Variants in CDK7 observed in about 807,000 individuals in gnomAD.
The protein encoded by CDK7 is cyclin-dependent kinase 7.
In CDK7, 25 loss-of-function variants were observed where a neutral mutation model predicts 49.1. That is an observed-to-expected ratio of 0.51 (90% confidence interval 0.37 to 0.71). CDK7 has a LOEUF of 0.71. Ranked by LOEUF, CDK7 falls within the 30% of genes least tolerant of loss-of-function variation. CDK7 has a pLI of 0.00. For missense variants in CDK7, 316 were observed against 411.7 expected, an observed-to-expected ratio of 0.77 and a Z score of 2.01; for synonymous variants, 107 against 140.0, an observed-to-expected ratio of 0.76 and a Z score of 1.67.
chr5:69,241,826 A>G (rs756137603), intron 2 of CDK7, among the ~76,000 whole-genome samples: 1 of 151,978 alleles, frequency 6.6e-6, no homozygotes, highest in Non-Finnish European at 1.5e-5. Context: ...TATCAGATGG[A>G]TAGTTTGCAA....
intron 6 of CDK7, among the ~76,000 whole-genome samples, chr5:69,258,530 G>A (rs1016857939): frequency 3.3e-5 from 5 of 151,830 alleles, no homozygotes; most frequent in African/African-American, 9.7e-5. Flanking sequence ...ACAGGTGCCC[G>A]CCACCACGCC....
chr5:69,241,230 A>T (rs1749350624), intron 2 of CDK7, among the ~76,000 whole-genome samples: 1 of 149,942 alleles, frequency 6.7e-6, no homozygotes, highest in Non-Finnish European at 1.5e-5. Flanking sequence ...CCTTTTCTCC[A>T]CATCCCTCAC....
intron 1 of CDK7, 47 bp downstream of exon 1, chr5:69,235,088 G>T (rs751533026): frequency 1.3e-6 from 2 of 1,534,788 alleles, no homozygotes; most frequent in Admixed American, 3.8e-5. Context: ...GGACAGCCCC[G>T]CGCCGCCTCC....
chr5:69,260,291 A>G lies in CDK7; in HGVS notation c.527+355A>G, dbSNP rs1750734018. On this transcript the variant is annotated intron_variant, in intron 7 of 11. Transcript: ENST00000256443. ...CTTGAACCAGAGAGGCAGAAGTTGCAGTGAGCAGAGATTGCACCACCGCAC... is the reference window on the plus strand; with the variant it reads ...CTTGAACCAGAGAGGCAGAAGTTGCGGTGAGCAGAGATTGCACCACCGCAC... Among the ~76,000 whole-genome samples, 5 of 152,128 alleles carry G rather than the reference A, an allele frequency of 3.3e-5. 1 individual carries two copies. The South Asian group carries it at 1.0e-3, about 31-fold the overall frequency.
chr5:69,272,149 G>A (rs931796030), intron 9 of CDK7, among the ~76,000 whole-genome samples: 4 of 151,952 alleles, frequency 2.6e-5, no homozygotes, highest in East Asian at 1.9e-4. Context: ...TTGAAATGAC[G>A]GTCTCTTCAT....
At chr5:69,269,315 T>C in intron 9 of CDK7, 22 bp downstream of exon 9, 1 of 1,546,812 alleles carries the variant, frequency 6.5e-7, no homozygotes. Flanking sequence ...TGCATTTTCT[T>C]TGAAATGTAA....
At chr5:69,269,693 C>T (rs897240733) in intron 9 of CDK7, among the ~76,000 whole-genome samples, 6 of 151,904 alleles carry the variant, frequency 3.9e-5, no homozygotes, top group Admixed American at 3.9e-4. Context: ...CACACACATG[C>T]ACACATGTAG....
chr5:69,234,984 G>T lies in CDK7; in HGVS notation c.9G>T (p.Leu3=). ...GGGCTTTACGGCGCCGGATGGCTCT[G>T]GACGTGAAGTCTCGGGCAAAGCGTT... MA[L]DVKSRAKRYE... Residue 3 remains leucine, a synonymous_variant, in exon 1 of 12, where the codon CTG becomes CTT. Coordinates refer to ENST00000256443, the MANE Select transcript of CDK7 (RefSeq NM_001799.4). The T allele has an allele frequency of 6.3e-7, 1 of 1,597,892 alleles. No homozygotes were observed. The highest frequency in any genetic ancestry group is 1.3e-5 in the African/African-American group (1 of 74,842).
At chr5:69,269,609 T>C (rs923644841) in intron 9 of CDK7, among the ~76,000 whole-genome samples, 3 of 152,102 alleles carry the variant, frequency 2.0e-5, no homozygotes. Context: ...GCATGTTCTT[T>C]GACTCCTTGA....
intron 2 of CDK7, among the ~76,000 whole-genome samples, chr5:69,248,802 C>CTTTTTTTTTTTTTTTTTTTTTTT (rs70992911): frequency 2.8e-4 from 26 of 92,254 alleles, no homozygotes; most frequent in South Asian, 4.2e-4. Context: ...TTTTTTTTTT[C>CTTTTTTTTTTTTTTTTTTTTTTT]TTTTTTTTTT....
intron 2 of CDK7, among the ~76,000 whole-genome samples, chr5:69,239,998 C>T (rs1479552394): frequency 6.6e-6 from 1 of 151,932 alleles, no homozygotes; most frequent in Non-Finnish European, 1.5e-5. Flanking sequence ...AGGCATGAGA[C>T]ACTGTGCCTG....
intron 2 of CDK7, among the ~76,000 whole-genome samples, chr5:69,245,430 C>T (rs1195832009): frequency 6.6e-6 from 1 of 151,722 alleles, no homozygotes; most frequent in Non-Finnish European, 1.5e-5. Context: ...CAACCTCCAC[C>T]TCCTGGGTTC....
intron 2 of CDK7, among the ~76,000 whole-genome samples, chr5:69,239,004 T>C (rs1441322282): frequency 6.6e-6 from 1 of 152,222 alleles, no homozygotes. Context: ...CTCTCGTTGA[T>C]AAACATTTAG....
intron 10 of CDK7, among the ~76,000 whole-genome samples, chr5:69,276,075 G>A (rs541989459): frequency 2.6e-5 from 4 of 152,212 alleles, no homozygotes; most frequent in African/African-American, 9.6e-5. Context: ...TGTCGCCCAG[G>A]CTGGAGTGCA....
chr5:69,257,575 A>G (rs1372553217), intron 5 of CDK7, among the ~76,000 whole-genome samples: 1 of 152,192 alleles, frequency 6.6e-6, no homozygotes, highest in Non-Finnish European at 1.5e-5. Flanking sequence ...CTTTGATTCT[A>G]GCACAAGTAC....
rs375761447 is a variant in CDK7 at position 69,252,407 on chromosome 5, G to T, written c.127-11G>T. ...TTTTAATATATTTGGGTTTTTTTCCGTTTCTACCAGATCAAACTTGGACAT... is the reference window on the plus strand; with the variant it reads ...TTTTAATATATTTGGGTTTTTTTCCTTTTCTACCAGATCAAACTTGGACAT... On this transcript the variant is annotated splice_polypyrimidine_tract_variant and intron_variant, in intron 2 of 11. Coordinates refer to ENST00000256443, the MANE Select transcript of CDK7 (RefSeq NM_001799.4). 3.3e-6 allele frequency: 5 copies of T among 1,516,980 alleles called. No individual in the cohort carries two copies. Among genetic ancestry groups the T allele is most frequent in the Admixed American group, 2.0e-5 (1 of 49,990 alleles). The allele number at this position is 1,516,980 out of a possible 1,614,324, so 94.0% of individuals were successfully genotyped here. A position where few individuals can be genotyped will look rare whatever the true frequency, so the allele number is the denominator to read the frequency against.
At chr5:69,260,690 T>C (rs1313521396) in intron 7 of CDK7, among the ~76,000 whole-genome samples, 1 of 152,234 alleles carries the variant, frequency 6.6e-6, no homozygotes, top group East Asian at 1.9e-4. Context: ...TCCATTTGTA[T>C]TTTTGATGTG....
At chr5:69,269,642 A>G (rs916525034) in intron 9 of CDK7, among the ~76,000 whole-genome samples, 11 of 152,134 alleles carry the variant, frequency 7.2e-5, no homozygotes, top group Non-Finnish European at 1.6e-4. Context: ...CACGTCGTAT[A>G]TATACACGGT....
chr5:69,276,773 C>T, intron 11 of CDK7, 83 bp downstream of exon 11: 1 of 1,138,526 alleles, frequency 8.8e-7, no homozygotes, highest in South Asian at 1.4e-5. Flanking sequence ...TGAACAACAG[C>T]AAAGAAATGT....
Sources: gnomAD v4.1 joint callset for allele counts (sites outside exome capture counted in the v4.1 genomes callset) on GRCh38, gnomAD v4.1.1 for gene constraint, MANE v1.5 for transcripts, NCBI Gene and HGNC (gene_info 2026-07-23, HGNC 2026-07-21) for gene names.